The following NLRC3 variants were observed in gnomAD, a reference collection of about 807,000 sequenced individuals.
NLRC3 encodes NLR family CARD domain-containing protein 3.
A neutral mutation model predicts 91.6 loss-of-function variants in NLRC3; 87 were observed. The observed-to-expected ratio is 0.95, with a 90% CI of 0.80 to 1.14. The LOEUF is 1.14. Ranked by LOEUF, NLRC3 falls within the 50% of genes most tolerant of loss-of-function variation. NLRC3 has a pLI of 0.00. For synonymous variants in NLRC3, 694 were observed against 625.3 expected, an observed-to-expected ratio of 1.11 and a Z score of -1.64; for missense variants, 1,577 against 1,418.6, an observed-to-expected ratio of 1.11 and a Z score of -1.79.
chr16:3,547,984 G>A lies in NLRC3; in HGVS notation c.2771+151C>T, dbSNP rs993610827. The A allele has an allele frequency of 4.9e-6, 3 of 612,196 alleles. No homozygotes were observed. The African/African-American group carries it at 5.5e-5, about 11-fold the overall frequency. 37.9% of individuals were successfully genotyped at this position (612,196 alleles called of 1,614,324 possible). On this transcript the variant is annotated intron_variant, in intron 15 of 19. Transcript: ENST00000359128. ...ACGCACCCGGCCAATATATTTAAAAGGCAGACAAGGACTGAAACATGCCAG... is the reference window on the plus strand; with the variant it reads ...ACGCACCCGGCCAATATATTTAAAAAGCAGACAAGGACTGAAACATGCCAG...
chr16:3,565,126 G>T, intron 3 of NLRC3, 66 bp from the exon 4 acceptor site: 1 of 1,276,550 alleles, frequency 7.8e-7, no homozygotes, highest in Non-Finnish European at 1.1e-6. Context: ...GGACAGGTGA[G>T]CAAGTCCCCA....
chr16:3,549,377 G>C (rs1383470633), intron 12 of NLRC3, among the ~76,000 whole-genome samples, 152 bp from the exon 13 acceptor site: 1 of 152,220 alleles, frequency 6.6e-6, no homozygotes, highest in African/African-American at 2.4e-5. Context: ...GAAGGAGCCA[G>C]TGCTAGTGAG....
At position 3,563,208 on chromosome 16, in the gene NLRC3, T is replaced by C. The variant is rs2039690399; in HGVS notation, c.1729A>G (p.Thr577Ala). ...VLHCLHELQH[T>A]ELARSVEEAM... ...TCCTCCACGCTGCGGGCCAGCTCGG[T>C]GTGCTGCAGCTCATGCAGGCAGTGC... Residue 577 changes from threonine to alanine, a missense_variant, in exon 5 of 20, where the codon ACC becomes GCC. Coordinates refer to ENST00000359128, the MANE Select transcript of NLRC3 (RefSeq NM_178844.4). 5.0e-6 allele frequency: 8 copies of C among 1,598,858 alleles called. 1 individual carries two copies. The highest frequency in any genetic ancestry group is 1.7e-5 in the Admixed American group (1 of 58,734).
At chr16:3,552,408 C>T (rs999329964) in intron 9 of NLRC3, 129 bp from the exon 10 acceptor site, 27 of 666,488 alleles carry the variant, frequency 4.1e-5, no homozygotes, top group Middle Eastern at 4.0e-4. Context: ...GTGGGGAGGG[C>T]GTTCTCCAGA....
chr16:3,554,300 C>T lies in NLRC3; in HGVS notation c.2209G>A (p.Asp737Asn). ...GCCTCAGCCATGGACCTGGCACCAT[C>T]ATCCCTAACGGTGTTGCCCTGGAGG... ...LSLQGNTVRD[D>N]GARSMAEALA... The change falls in exon 9 of 20, where the codon GAT becomes AAT. Residue 737 changes from aspartate to asparagine, a missense_variant. Asp to Asn is a conservative substitution (Grantham distance 23). Coordinates refer to ENST00000359128, the MANE Select transcript of NLRC3 (RefSeq NM_178844.4). 1.2e-6 allele frequency: 2 copies of T among 1,613,880 alleles called. No individual in the cohort carries two copies.
At chr16:3,542,117 TC>T in intron 19 of NLRC3, 73 bp downstream of exon 19, 1 of 1,126,714 alleles carries the variant, frequency 8.9e-7, no homozygotes, top group Non-Finnish European at 1.3e-6. Flanking sequence ...CAGCTGGCTC[TC>T]AGAACTGGGC....
At chr16:3,547,967 G>A (rs1278545366) in intron 15 of NLRC3, among the ~76,000 whole-genome samples, 168 bp downstream of exon 15, 1 of 152,170 alleles carries the variant, frequency 6.6e-6, no homozygotes, top group African/African-American at 2.4e-5. Context: ...CAACGCACCC[G>A]GCCAATATAT....
At chr16:3,549,523 C>T (rs759113955) in intron 12 of NLRC3, among the ~76,000 whole-genome samples, 174 bp downstream of exon 12, 11 of 152,268 alleles carry the variant, frequency 7.2e-5, no homozygotes, top group Non-Finnish European at 1.0e-4. Flanking sequence ...CAGAATGGGC[C>T]ACTGCGGGCA....
intron 17 of NLRC3, chr16:3,543,006 C>T (rs1300068550): frequency 1.8e-6 from 1 of 554,356 alleles, no homozygotes; most frequent in East Asian, 3.0e-5. Context: ...GAGCCTTCCT[C>T]CTCTTCCATT....
At chr16:3,544,366 C>T in intron 15 of NLRC3, 37 bp from the exon 16 acceptor site, 1 of 1,449,626 alleles carries the variant, frequency 6.9e-7, no homozygotes. Flanking sequence ...GTGCACGGGG[C>T]ACAGGGAGCA....
chr16:3,549,793 G>C lies in NLRC3; in HGVS notation c.2436-13C>G, dbSNP rs1010605713. 1.4e-5 allele frequency: 21 copies of C among 1,546,440 alleles called. No homozygotes were observed. Among genetic ancestry groups the C allele is most frequent in the Non-Finnish European group, 1.7e-5 (20 of 1,144,406 alleles). On this transcript the variant is annotated splice_polypyrimidine_tract_variant and intron_variant, in intron 11 of 19. Transcript: ENST00000359128. ...ATTGCTCTGCAGGCTGCGGAAAGAG[G>C]AGGCGCCCTGGGTGTGGCTGTCCCA...
intron 15 of NLRC3, 104 bp from the exon 16 acceptor site, chr16:3,544,433 A>T: frequency 1.3e-6 from 1 of 752,866 alleles, no homozygotes; most frequent in Non-Finnish European, 2.3e-6. Context: ...TACACACACC[A>T]TAGACACTCC....
chr16:3,543,272 G>A (rs2038503980), intron 17 of NLRC3, 153 bp downstream of exon 17: 2 of 647,236 alleles, frequency 3.1e-6, no homozygotes, highest in Non-Finnish European at 5.5e-6. Flanking sequence ...GGAAAGGCAT[G>A]AAGTGGGGCT....
chr16:3,575,781 C>CT (rs373969292), intron 1 of NLRC3, among the ~76,000 whole-genome samples: 5 of 152,326 alleles, frequency 3.3e-5, no homozygotes, highest in Non-Finnish European at 7.3e-5. Context: ...CCGGGACCTG[C>CT]TGGGTCCTTC....
rs1335073179 is a variant in NLRC3, at chr16:3,554,231, T to A, written c.2267+11A>T. On this transcript the variant is annotated intron_variant, in intron 9 of 19. Transcript: ENST00000359128. ...GGAGAGAAGGGGGAGAGAGGAGATG[T>A]GTTCACTCACTGCAGCATGGAGAGG... is the stretch of plus-strand genomic sequence containing the variant. 6.3e-7 allele frequency: 1 copy of A among 1,592,756 alleles called. No individual in the cohort carries two copies. The highest frequency in any genetic ancestry group is 2.2e-5 in the East Asian group (1 of 44,754).
intron 10 of NLRC3, among the ~76,000 whole-genome samples, chr16:3,551,900 ACCAT>A (rs2039029088): frequency 7.0e-6 from 1 of 142,404 alleles, no homozygotes; most frequent in South Asian, 2.2e-4. Context: ...TACTCATTTA[ACCAT>A]CCATCCATCT....
At chr16:3,545,521 A>C (rs1262291888) in intron 15 of NLRC3, 1 of 152,068 alleles carries the variant, frequency 6.6e-6, no homozygotes, top group Non-Finnish European at 1.5e-5. Flanking sequence ...ATGAAAAAAA[A>C]AATAAGAAAG....
At position 3,541,710 on chromosome 16, in the gene NLRC3, C is replaced by T; in HGVS notation, c.*115G>A. On this transcript the variant is annotated 3_prime_UTR_variant, in exon 20 of 20. Coordinates refer to ENST00000359128, the MANE Select transcript of NLRC3 (RefSeq NM_178844.4). The stretch of plus-strand genomic sequence containing the variant: ...TCCTTCCTCCCTGCAGAGCCCGGCT[C>T]TCGTGCTGAGCAAGCAGCGTTCCCA... 1 of 708,162 alleles carries T rather than the reference C, an allele frequency of 1.4e-6. No homozygotes were observed. Among genetic ancestry groups the T allele is most frequent in the Non-Finnish European group, 2.5e-6 (1 of 402,738 alleles). 43.9% of individuals were successfully genotyped at this position (708,162 alleles called of 1,614,324 possible).
Position 3,564,097 on chromosome 16 carries a change from C to T in NLRC3, c.840G>A (p.Val280=). The T allele has an allele frequency of 6.2e-7, 1 of 1,613,640 alleles. No homozygotes were observed. The highest frequency in any genetic ancestry group is 8.5e-7 in the Non-Finnish European group (1 of 1,179,896). The change falls in exon 5 of 20, where the codon GTG becomes GTA. Residue 280 remains valine, a synonymous_variant. Coordinates refer to ENST00000359128, the MANE Select transcript of NLRC3 (RefSeq NM_178844.4). The surrounding 1 kb of genome is among the most constrained non-coding windows in gnomAD (Gnocchi z 5.9). ...AGCCCCGGATCTCCGTCATCCGGTC[C>T]ACCAGGCCCCCTGGGATCTGGCCAG... ...SASGQIPGGL[V]DRMTEIRGFN... is the part of the protein sequence containing the mutation.
Sources: gnomAD v4.1 joint callset for allele counts (sites outside exome capture counted in the v4.1 genomes callset) on GRCh38, gnomAD v4.1.1 for gene constraint, Gnocchi (gnomAD v3.1) non-coding constraint, MANE v1.5 for transcripts, NCBI Gene and HGNC (gene_info 2026-07-23, HGNC 2026-07-21) for gene names.